Variants in IRAK2 observed in about 807,000 individuals in gnomAD.
IRAK2 encodes the protein interleukin 1 receptor associated kinase 2.
In IRAK2, 57 loss-of-function variants were observed where a neutral mutation model predicts 72.0. The observed-to-expected ratio is 0.79, with a 90% CI of 0.64 to 0.99. The LOEUF is 0.99. Among genes scored for constraint, IRAK2 ranks in the 50% least tolerant of loss-of-function variants. The pLI is 0.00. For synonymous variants in IRAK2, 293 were observed against 312.7 expected (o/e 0.94, Z 0.67); for missense variants, 790 against 794.4 (o/e 0.99, Z 0.07).
chr3:10,239,144 T>A, intron 12 of IRAK2, 105 bp downstream of exon 12: 1 of 1,081,010 alleles, frequency 9.3e-7, no homozygotes, highest in Non-Finnish European at 1.3e-6. Flanking sequence ...CATTTGGTTA[T>A]TCAGCCATTC....
chr3:10,209,479 C>T (rs2125154299), intron 3 of IRAK2, 110 bp from the exon 4 acceptor site: 1 of 600,872 alleles, frequency 1.7e-6, no homozygotes, highest in East Asian at 3.1e-5. Flanking sequence ...TTGGCAGCAA[C>T]AAGTGTTTGG....
In IRAK2 at chr3:10,164,943, C is replaced by T; in HGVS notation, c.-12C>T. The T allele has an allele frequency of 6.3e-7, 1 of 1,599,878 alleles. No homozygotes were observed. ...CAGTCGTCCCGCGCCGGAGCCGGCC[C>T]CGTAGCGTGCCATGGCCTGCTACAT... is the stretch of plus-strand genomic sequence containing the variant. On this transcript the variant is annotated 5_prime_UTR_variant, in exon 1 of 13. Transcript: ENST00000256458.
chr3:10,214,615 A>T (rs1697574593), intron 6 of IRAK2, among the ~76,000 whole-genome samples: 1 of 151,652 alleles, frequency 6.6e-6, no homozygotes, highest in Non-Finnish European at 1.5e-5. Flanking sequence ...AAATAAAGAA[A>T]ATTGAGTATC....
Position 10,193,203 on chromosome 3 carries a change from A to G in IRAK2, c.278-7166A>G, listed in dbSNP as rs545806830. Among the ~76,000 whole-genome samples the G allele has an allele frequency of 2.1e-4, 32 of 152,304 alleles. 1 individual carries two copies. In the South Asian group the frequency reaches 6.2e-3, roughly 30 times the overall value. ...GCAACCAGCTCTGGTGAACCATGAC[A>G]GGGGCACAGAGAAGCGCTTCTGCCC... On this transcript the variant is annotated intron_variant, in intron 2 of 12. Transcript: ENST00000256458.
chr3:10,239,400 C>G (rs1054517937), intron 12 of IRAK2, among the ~76,000 whole-genome samples: 1 of 152,200 alleles, frequency 6.6e-6, no homozygotes, highest in Non-Finnish European at 1.5e-5. Context: ...AGGAGCCAGC[C>G]AGAGTAGCTT....
At chr3:10,238,626 AAAC>A in intron 11 of IRAK2, 119 bp from the exon 12 acceptor site, 1 of 965,078 alleles carries the variant, frequency 1.0e-6, no homozygotes, top group Non-Finnish European at 1.5e-6. Flanking sequence ...TTTTCAGACA[AAAC>A]AACCAGCATT....
rs11465896 is a variant in IRAK2, at chr3:10,213,060, G to A, written c.529-147G>A. ...TGGGATTACAGGCGTGAGCCACCGTGCCCGGCCTATCCATGTCCTTTTTAC... is the reference window on the plus strand; with the variant it reads ...TGGGATTACAGGCGTGAGCCACCGTACCCGGCCTATCCATGTCCTTTTTAC... On this transcript the variant is annotated intron_variant, in intron 4 of 12. Transcript: ENST00000256458. 2,351 of 686,936 alleles carry A rather than the reference G, an allele frequency of 3.4e-3. 3 individuals carry two copies. Among genetic ancestry groups the A allele is most frequent in the Middle Eastern group, 0.012 (30 of 2,422 alleles). 42.6% of individuals were successfully genotyped at this position (686,936 alleles called of 1,614,324 possible).
chr3:10,166,047 A>C (rs1275785278), intron 1 of IRAK2, among the ~76,000 whole-genome samples: 1 of 151,614 alleles, frequency 6.6e-6, no homozygotes. Flanking sequence ...TCTTGATCTC[A>C]GGCGATCCAC....
intron 2 of IRAK2, among the ~76,000 whole-genome samples, chr3:10,187,687 AG>A (rs1300681847): frequency 6.6e-6 from 1 of 152,230 alleles, no homozygotes; most frequent in Admixed American, 6.5e-5. Context: ...CCTGCAGCAA[AG>A]AAACTTATTT....
intron 4 of IRAK2, among the ~76,000 whole-genome samples, chr3:10,210,827 C>T (rs535402192): frequency 6.6e-6 from 1 of 152,150 alleles, no homozygotes; most frequent in Non-Finnish European, 1.5e-5. Context: ...ACCTGGGCAA[C>T]AGTGTGAGAT....
intron 10 of IRAK2, among the ~76,000 whole-genome samples, chr3:10,227,510 C>T (rs1697798495): frequency 1.3e-5 from 2 of 152,110 alleles, no homozygotes; most frequent in South Asian, 4.1e-4. Context: ...CATACATTAT[C>T]TACCTAAATC....
rs577115553 is a variant in IRAK2, at chr3:10,196,660, C to T, written c.278-3709C>T. ...AGTGCATGTTCTCTGGGTGCCCTTA[C>T]GTCAGTGGTTCTGGGAGGAGACCCC... is the stretch of plus-strand genomic sequence containing the variant. On this transcript the variant is annotated intron_variant, in intron 2 of 12. Coordinates refer to ENST00000256458, the MANE Select transcript of IRAK2 (RefSeq NM_001570.4). Among the ~76,000 whole-genome samples the T allele has an allele frequency of 5.3e-5, 8 of 152,188 alleles. No individual in the cohort carries two copies. In the South Asian group the frequency reaches 1.0e-3, roughly 20 times the overall value.
rs368951365 is a variant in IRAK2, at chr3:10,182,618, C to G, written c.277+4598C>G. ...TAGAGATGGGGTTTCGCCATGTTGG[C>G]TAGGCTAGTCTCAAACTCCTGACCT... On this transcript the variant is annotated intron_variant, in intron 2 of 12. Coordinates refer to ENST00000256458, the MANE Select transcript of IRAK2 (RefSeq NM_001570.4). Among the ~76,000 whole-genome samples the G allele has an allele frequency of 9.3e-5, 14 of 150,902 alleles. No homozygotes were observed. The East Asian group carries it at 2.6e-3, about 28-fold the overall frequency.
chr3:10,211,005 C>A (rs1697510021), intron 4 of IRAK2, among the ~76,000 whole-genome samples: 1 of 151,474 alleles, frequency 6.6e-6, no homozygotes, highest in Admixed American at 6.6e-5. Context: ...ATTACATGCA[C>A]ATGCCAGCAT....
intron 2 of IRAK2, among the ~76,000 whole-genome samples, chr3:10,184,978 G>A (rs575476010): frequency 6.6e-5 from 10 of 150,552 alleles, no homozygotes; most frequent in East Asian, 4.0e-4. Context: ...TGATCCGCCC[G>A]CCTTGGCCTC....
intron 1 of IRAK2, among the ~76,000 whole-genome samples, chr3:10,169,549 G>C (rs1696759804): frequency 6.6e-6 from 1 of 152,154 alleles, no homozygotes; most frequent in Admixed American, 6.5e-5. Context: ...CTCTCTGTGA[G>C]AAGAAAAATA....
intron 12 of IRAK2, among the ~76,000 whole-genome samples, chr3:10,240,951 C>A (rs938562914): frequency 1.3e-5 from 2 of 151,846 alleles, no homozygotes; most frequent in Non-Finnish European, 2.9e-5. Flanking sequence ...CTCTTTTACT[C>A]CTCCTGCCAT....
chr3:10,168,732 A>G (rs1012655875), intron 1 of IRAK2, among the ~76,000 whole-genome samples: 1 of 152,140 alleles, frequency 6.6e-6, no homozygotes, highest in African/African-American at 2.4e-5. Flanking sequence ...ACATCTGCCC[A>G]GTGCTGGCCT....
chr3:10,172,056 T>G (rs1176443605), intron 1 of IRAK2, among the ~76,000 whole-genome samples: 1 of 151,954 alleles, frequency 6.6e-6, no homozygotes, highest in Non-Finnish European at 1.5e-5. Context: ...GCCAACATGG[T>G]GAAACTCTGT....
Sources: allele counts gnomAD v4.1 joint callset (sites outside exome capture counted in the v4.1 genomes callset), GRCh38; gene constraint gnomAD v4.1.1; transcripts MANE v1.5; gene names NCBI Gene and HGNC (gene_info 2026-07-23, HGNC 2026-07-21).